IGSF21: variants seen among roughly 807,000 people sequenced by gnomAD.
IGSF21 encodes immunoglobulin superfamily member 21.
IGSF21 carries 28 observed loss-of-function variants against 46.8 expected under a neutral mutation model. The observed-to-expected ratio is 0.60, with a 90% CI of 0.44 to 0.82. IGSF21 has a LOEUF of 0.82. IGSF21 is among the 40% of genes least tolerant of loss of function. IGSF21 has a pLI of 0.00. For synonymous variants in IGSF21, 284 were observed against 273.6 expected (o/e 1.04, Z -0.38); for missense variants, 624 against 665.5 (o/e 0.94, Z 0.69).
chr1:18,139,827 C>T (rs1317186139), intron 1 of IGSF21, among the ~76,000 whole-genome samples: 1 of 152,214 alleles, frequency 6.6e-6, no homozygotes, highest in Non-Finnish European at 1.5e-5. Context: ...GAGGCAGCAT[C>T]CCTGGCCAGT....
At chr1:18,327,725 C>G (rs1485752711) in intron 3 of IGSF21, among the ~76,000 whole-genome samples, 2 of 152,022 alleles carry the variant, frequency 1.3e-5, no homozygotes, top group South Asian at 2.1e-4. Flanking sequence ...CAATGGCTGC[C>G]TGAGGATGAG....
intron 3 of IGSF21, among the ~76,000 whole-genome samples, chr1:18,302,031 C>A (rs1182644044): frequency 6.6e-6 from 1 of 152,158 alleles, no homozygotes; most frequent in Non-Finnish European, 1.5e-5. Flanking sequence ...TGGGCACACT[C>A]CCCTGCTCCC....
chr1:18,352,019 TAGCCGATCA>T (rs2085962390), intron 4 of IGSF21, among the ~76,000 whole-genome samples: 1 of 152,110 alleles, frequency 6.6e-6, no homozygotes, highest in African/African-American at 2.4e-5. Context: ...CATTGACAAG[TAGCCGATCA>T]AGCCGTAAGT....
At position 18,378,436 on chromosome 1, in the gene IGSF21, T is replaced by C. The variant is rs2086309386; in HGVS notation, c.*110T>C. 3 of 919,714 alleles carry C rather than the reference T, an allele frequency of 3.3e-6. No homozygotes were observed. The East Asian group carries it at 7.9e-5, about 24-fold the overall frequency. 57.0% of individuals were successfully genotyped at this position (919,714 alleles called of 1,614,324 possible). On this transcript the variant is annotated 3_prime_UTR_variant, in exon 10 of 10. Transcript: ENST00000251296. The stretch of plus-strand genomic sequence containing the variant: ...TCTTAGTCTCTTTCCATCTGTGTCT[T>C]GGCTTCTTCAGTCGGTTTAATTAAA...
At chr1:18,315,336 C>T (rs994511606) in intron 3 of IGSF21, among the ~76,000 whole-genome samples, 3 of 152,154 alleles carry the variant, frequency 2.0e-5, no homozygotes, top group African/African-American at 4.8e-5. Context: ...CTACCAGCAC[C>T]CCAGATGCCT....
chr1:18,234,926 G>A (rs1222885024), intron 2 of IGSF21, among the ~76,000 whole-genome samples: 1 of 152,184 alleles, frequency 6.6e-6, no homozygotes. Context: ...TCCTCCTGGG[G>A]ATGGGGTGAT....
intron 6 of IGSF21, among the ~76,000 whole-genome samples, chr1:18,367,572 A>G (rs925706244): frequency 4.2e-5 from 6 of 143,268 alleles, no homozygotes; most frequent in Non-Finnish European, 9.2e-5. Flanking sequence ...AAGACCCATT[A>G]CAATGGACCT....
At chr1:18,304,904 G>A (rs1207257665) in intron 3 of IGSF21, among the ~76,000 whole-genome samples, 1 of 152,240 alleles carries the variant, frequency 6.6e-6, no homozygotes, top group Non-Finnish European at 1.5e-5. Context: ...TAAAGTATTT[G>A]TTGCCGTGGT....
At chr1:18,207,698 G>A (rs1355239242) in intron 1 of IGSF21, among the ~76,000 whole-genome samples, 1 of 152,204 alleles carries the variant, frequency 6.6e-6, no homozygotes, top group African/African-American at 2.4e-5. Flanking sequence ...TACTGGATTT[G>A]GTAAAATGCA....
chr1:18,219,511 A>G (rs2084485451), intron 1 of IGSF21, among the ~76,000 whole-genome samples: 1 of 151,866 alleles, frequency 6.6e-6, no homozygotes, highest in Non-Finnish European at 1.5e-5. Flanking sequence ...AGGTGAGGAA[A>G]CAAATGATGG....
At chr1:18,348,569 A>T (rs1428894109) in intron 4 of IGSF21, among the ~76,000 whole-genome samples, 2 of 152,194 alleles carry the variant, frequency 1.3e-5, no homozygotes, top group African/African-American at 4.8e-5. Context: ...TACTAGTGAT[A>T]TGTGGCTGTT....
chr1:18,107,978 G>T lies in IGSF21; in HGVS notation c.-151G>T. On this transcript the variant is annotated 5_prime_UTR_variant, in exon 1 of 10. Transcript: ENST00000251296. ...GCGCCCGGGCTGCCTGGCCGCGGCG[G>T]CATGGGGGCGCCCCCGCGGCTCTCC... 1 of 233,300 alleles carries T rather than the reference G, an allele frequency of 4.3e-6. No individual in the cohort carries two copies. Among genetic ancestry groups the T allele is most frequent in the Non-Finnish European group, 8.0e-6 (1 of 124,748 alleles). 14.5% of individuals were successfully genotyped at this position (233,300 alleles called of 1,614,324 possible).
At chr1:18,117,407 T>C (rs1295972417) in intron 1 of IGSF21, among the ~76,000 whole-genome samples, 4 of 152,188 alleles carry the variant, frequency 2.6e-5, no homozygotes, top group Admixed American at 6.5e-5. Context: ...AGATCTCCAA[T>C]GGGCATGGGC....
intron 1 of IGSF21, among the ~76,000 whole-genome samples, chr1:18,183,622 A>G (rs1237315120): frequency 6.6e-6 from 1 of 152,220 alleles, no homozygotes; most frequent in African/African-American, 2.4e-5. Flanking sequence ...TGGCTTAAAT[A>G]TAACCATTTA....
chr1:18,254,517 G>T (rs888240583), intron 2 of IGSF21, among the ~76,000 whole-genome samples: 4 of 149,888 alleles, frequency 2.7e-5, no homozygotes, highest in African/African-American at 1.0e-4. Context: ...CCATTCACTG[G>T]ATCTTGACCT....
intron 6 of IGSF21, among the ~76,000 whole-genome samples, chr1:18,370,063 A>G (rs2086209350): frequency 6.6e-6 from 1 of 152,030 alleles, no homozygotes; most frequent in South Asian, 2.1e-4. Flanking sequence ...AATATATCCC[A>G]AATCTGCCAC....
chr1:18,300,372 G>A (rs2085349594), intron 3 of IGSF21, among the ~76,000 whole-genome samples: 1 of 152,182 alleles, frequency 6.6e-6, no homozygotes, highest in African/African-American at 2.4e-5. Flanking sequence ...TTCAATGGCC[G>A]GCACCAAGGC....
intron 2 of IGSF21, among the ~76,000 whole-genome samples, chr1:18,256,529 A>T (rs1025461827): frequency 1.3e-5 from 2 of 152,092 alleles, no homozygotes; most frequent in Non-Finnish European, 2.9e-5. Flanking sequence ...CCCGTGTTTC[A>T]GCAAGGGGCA....
intron 4 of IGSF21, among the ~76,000 whole-genome samples, chr1:18,339,471 T>C: frequency 6.6e-6 from 1 of 152,186 alleles, no homozygotes; most frequent in Non-Finnish European, 1.5e-5. Context: ...GTGGCTCACA[T>C]GTCTAATCCC....
Sources: gnomAD v4.1 joint callset for allele counts (sites outside exome capture counted in the v4.1 genomes callset) on GRCh38, gnomAD v4.1.1 for gene constraint, MANE v1.5 for transcripts, NCBI Gene and HGNC (gene_info 2026-07-23, HGNC 2026-07-21) for gene names.